LDB2: variants seen among roughly 807,000 people sequenced by gnomAD.
LDB2 encodes the protein LIM domain binding 2.
A neutral mutation model predicts 44.3 loss-of-function variants in LDB2; 12 were observed. The observed-to-expected ratio is 0.27, with a 90% CI of 0.17 to 0.44. The LOEUF is 0.44. Among genes scored for constraint, LDB2 ranks in the 20% least tolerant of loss-of-function variants. The pLI, the probability that LDB2 is intolerant of heterozygous loss-of-function variation, is 1.00. For synonymous variants in LDB2, 164 were observed against 174.8 expected (o/e 0.94, Z 0.49); for missense variants, 344 against 473.5 (o/e 0.73, Z 2.54).
intron 2 of LDB2, among the ~76,000 whole-genome samples, chr4:16,597,743 A>T (rs1009347351): frequency 3.9e-5 from 6 of 152,180 alleles, no homozygotes; most frequent in African/African-American, 1.4e-4. Flanking sequence ...TGCACAAGTT[A>T]ATTCCTTTAG....
chr4:16,880,062 CCTT>C (rs1278766347), intron 1 of LDB2, among the ~76,000 whole-genome samples: 2 of 152,084 alleles, frequency 1.3e-5, no homozygotes, highest in African/African-American at 4.8e-5. Context: ...AACCAGATGC[CCTT>C]CTTCTTTCCC....
At chr4:16,503,622 A>G (rs1718171748) in intron 7 of LDB2, among the ~76,000 whole-genome samples, 1 of 152,186 alleles carries the variant, frequency 6.6e-6, no homozygotes, top group Admixed American at 6.5e-5. Flanking sequence ...GGTGCCTGTC[A>G]CCTATCACCA....
chr4:16,616,196 C>T (rs1290534899), intron 2 of LDB2, among the ~76,000 whole-genome samples: 4 of 152,142 alleles, frequency 2.6e-5, no homozygotes, highest in Non-Finnish European at 5.9e-5. Context: ...TGGTTATTCT[C>T]TCAGAATGCG....
chr4:16,884,234 C>T (rs150375977), intron 1 of LDB2, among the ~76,000 whole-genome samples: 156 of 152,332 alleles, frequency 1.0e-3, no homozygotes, highest in Non-Finnish European at 1.6e-3. Flanking sequence ...AGGTGTTGGT[C>T]TGAGGGCTTT....
At chr4:16,850,165 C>T (rs540480329) in intron 1 of LDB2, among the ~76,000 whole-genome samples, 89 of 152,144 alleles carry the variant, frequency 5.8e-4, no homozygotes, top group African/African-American at 1.8e-3. Context: ...AAGTCGGCGG[C>T]GCTTTCTGTG....
intron 1 of LDB2, among the ~76,000 whole-genome samples, chr4:16,813,654 A>G (rs183428610): frequency 1.3e-5 from 2 of 152,270 alleles, no homozygotes; most frequent in African/African-American, 2.4e-5. Flanking sequence ...CTGGTGAGGT[A>G]GAGAACTCAA....
At chr4:16,889,122 C>T (rs1053760895) in intron 1 of LDB2, 4 of 151,494 alleles carry the variant, frequency 2.6e-5, no homozygotes, top group African/African-American at 7.3e-5. Context: ...CATACATACA[C>T]CAGTTAGCAA....
intron 1 of LDB2, among the ~76,000 whole-genome samples, chr4:16,770,003 C>A (rs542058680): frequency 1.6e-4 from 24 of 152,288 alleles, no homozygotes; most frequent in African/African-American, 5.3e-4. Flanking sequence ...ATTTGAATCT[C>A]CAGCTTTGAT....
chr4:16,586,528 A>AAC (rs375304103), intron 4 of LDB2, among the ~76,000 whole-genome samples: 956 of 69,428 alleles, frequency 0.014, 6 homozygotes, highest in Middle Eastern at 0.035. Flanking sequence ...ACACACACAA[A>AAC]ACACACACAC....
chr4:16,825,090 T>G (rs1580008634), intron 1 of LDB2, among the ~76,000 whole-genome samples: 1 of 151,986 alleles, frequency 6.6e-6, no homozygotes, highest in South Asian at 2.1e-4. Context: ...CTGGAGGGGG[T>G]GGCTGGAAAG....
At chr4:16,633,914 T>C (rs1732781876) in intron 2 of LDB2, among the ~76,000 whole-genome samples, 1 of 151,994 alleles carries the variant, frequency 6.6e-6, no homozygotes, top group Non-Finnish European at 1.5e-5. Context: ...CCAAAACAGA[T>C]ATATAGACCA....
At chr4:16,625,469 C>G (rs955560938) in intron 2 of LDB2, among the ~76,000 whole-genome samples, 1 of 152,122 alleles carries the variant, frequency 6.6e-6, no homozygotes, top group African/African-American at 2.4e-5. Flanking sequence ...AAGACAAGGA[C>G]TTCAAACTGT....
At chr4:16,521,266 T>A (rs1725964199) in intron 5 of LDB2, among the ~76,000 whole-genome samples, 3 of 152,154 alleles carry the variant, frequency 2.0e-5, no homozygotes, top group Admixed American at 6.5e-5. Context: ...AAGGCTCCCA[T>A]GAAGAATCCT....
At chr4:16,842,237 C>G (rs998942245) in intron 1 of LDB2, among the ~76,000 whole-genome samples, 2 of 152,044 alleles carry the variant, frequency 1.3e-5, no homozygotes, top group Admixed American at 1.3e-4. Context: ...TAAATACCTC[C>G]GAAGTGCAAA....
chr4:16,681,526 C>T (rs1482748926), intron 2 of LDB2, among the ~76,000 whole-genome samples: 2 of 151,266 alleles, frequency 1.3e-5, no homozygotes, highest in Non-Finnish European at 2.9e-5. Context: ...TACATCAAAC[C>T]ATTAGGCTTG....
At chr4:16,762,104 G>A (rs1284107728) in intron 1 of LDB2, among the ~76,000 whole-genome samples, 1 of 152,138 alleles carries the variant, frequency 6.6e-6, no homozygotes, top group Non-Finnish European at 1.5e-5. Context: ...ACTGAGGCAG[G>A]AGAATAACTT....
chr4:16,717,934 T>C (rs766474033), intron 2 of LDB2, among the ~76,000 whole-genome samples: 19 of 152,158 alleles, frequency 1.2e-4, no homozygotes, highest in Non-Finnish European at 2.5e-4. Flanking sequence ...GCAATACTTA[T>C]CTCTTGTAAT....
intron 5 of LDB2, among the ~76,000 whole-genome samples, chr4:16,520,743 C>T (rs1366478821): frequency 6.6e-6 from 1 of 152,084 alleles, no homozygotes; most frequent in Non-Finnish European, 1.5e-5. Flanking sequence ...GGAAGGAGGT[C>T]ATTGACTGCT....
intron 2 of LDB2, among the ~76,000 whole-genome samples, chr4:16,606,483 A>G (rs1457501322): frequency 6.6e-6 from 1 of 152,198 alleles, no homozygotes; most frequent in Non-Finnish European, 1.5e-5. Context: ...CCAACACTTA[A>G]TATTGTCAAG....
Sources: allele counts gnomAD v4.1 joint callset (sites outside exome capture counted in the v4.1 genomes callset), GRCh38; gene constraint gnomAD v4.1.1; transcripts MANE v1.5; gene names NCBI Gene and HGNC (gene_info 2026-07-23, HGNC 2026-07-21).